GLI2: variants seen among roughly 807,000 people sequenced by gnomAD.
GLI2 encodes the protein GLI family zinc finger 2, also known as transcription activator GLI2.
GLI2 carries 22 observed loss-of-function variants against 78.9 expected under a neutral mutation model. The ratio of observed to expected loss-of-function variants is 0.28; its 90% CI spans 0.20 to 0.40. The LOEUF is 0.40. GLI2 is among the 10% of genes least tolerant of loss of function. The pLI, the probability that GLI2 is intolerant of heterozygous loss-of-function variation, is 1.00. For missense variants in GLI2, 2,097 were observed against 2,213.2 expected (o/e 0.95, Z 1.05); for synonymous variants, 974 against 963.7 (o/e 1.01, Z -0.20).
At chr2:120,904,051 C>G (rs555153840) in intron 2 of GLI2, among the ~76,000 whole-genome samples, 1 of 151,948 alleles carries the variant, frequency 6.6e-6, no homozygotes, top group Non-Finnish European at 1.5e-5. Context: ...GGAGGCTGTC[C>G]CCCTCCCCCA....
chr2:120,888,039 G>A (rs1294264293), intron 2 of GLI2, among the ~76,000 whole-genome samples: 1 of 152,218 alleles, frequency 6.6e-6, no homozygotes, highest in African/African-American at 2.4e-5. Flanking sequence ...TTCAGTTCAA[G>A]TTTGCCAAAG....
chr2:120,779,725 A>G (rs1558792100), intron 1 of GLI2, among the ~76,000 whole-genome samples: 1 of 152,246 alleles, frequency 6.6e-6, no homozygotes, highest in African/African-American at 2.4e-5. Flanking sequence ...ACCTTGCCCA[A>G]GGGCACACAG....
At chr2:120,811,495 A>C (rs1199359158) in intron 2 of GLI2, among the ~76,000 whole-genome samples, 2 of 152,194 alleles carry the variant, frequency 1.3e-5, no homozygotes, top group Non-Finnish European at 2.9e-5. Flanking sequence ...TCCTTAAAGA[A>C]TGAGAGAGCT....
rs190262830 is a variant in GLI2 at position 120,951,841 on chromosome 2, T to G, written c.457+396T>G. The G allele has an allele frequency of 2.1e-3, 348 of 168,946 alleles. 2 individuals are homozygous for G. The highest frequency in any genetic ancestry group is 7.6e-3 in the African/African-American group (320 of 42,168). The allele number at this position is 168,946 out of a possible 1,614,324, so 10.5% of individuals were successfully genotyped here. A position where few individuals can be genotyped will look rare whatever the true frequency, so the allele number is the denominator to read the frequency against. ...GGCTGGCTGCTGCCTGCGTCTCTGT[T>G]GGATCTGCCCCTTGCAGGTTAACGC... On this transcript the variant is annotated intron_variant, in intron 4 of 13. Transcript: ENST00000361492.
intron 5 of GLI2, 90 bp from the exon 6 acceptor site, chr2:120,968,624 C>T: frequency 1.0e-6 from 1 of 984,992 alleles, no homozygotes; most frequent in Non-Finnish European, 1.6e-6. Flanking sequence ...ATTAGACCAT[C>T]CTTGCAGGCT....
At position 120,988,267 on chromosome 2, in the gene GLI2, A is replaced by C. The variant is rs1408296694; in HGVS notation, c.2302A>C (p.Asn768His). ...GGGGPAGLLPNPRLSELSASE... is the reference protein window; with the variant it reads ...GGGGPAGLLPHPRLSELSASE... ...CGGCGGGCCCGCGGGGCTGCTGCCGAACCCGCGGCTGTCGGAGCTGTCCGC... is the reference window on the plus strand; with the variant it reads ...CGGCGGGCCCGCGGGGCTGCTGCCGCACCCGCGGCTGTCGGAGCTGTCCGC... Residue 768 changes from asparagine to histidine, a missense_variant, in exon 14 of 14, where the codon AAC becomes CAC. Physicochemically the swap from Asn to His is moderately conservative, Grantham distance 68 (BLOSUM62 1). This residue lies in a region of GLI2 where 1,290 missense variants were observed against 1,261.7 expected (regional missense o/e 1.02). Transcript: ENST00000361492. The C allele has an allele frequency of 6.4e-7, 1 of 1,570,412 alleles. No homozygotes were observed. Among genetic ancestry groups the C allele is most frequent in the South Asian group, 1.2e-5 (1 of 86,740 alleles).
chr2:120,771,873 A>G (rs982038748), intron 1 of GLI2, among the ~76,000 whole-genome samples: 5 of 152,176 alleles, frequency 3.3e-5, no homozygotes, highest in African/African-American at 9.7e-5. Flanking sequence ...TCCATGGCCA[A>G]CGCCCACGGT....
At chr2:120,832,899 G>A (rs1393011266) in intron 2 of GLI2, among the ~76,000 whole-genome samples, 1 of 152,136 alleles carries the variant, frequency 6.6e-6, no homozygotes, top group Non-Finnish European at 1.5e-5. Context: ...TTTCCTCTCT[G>A]AGACCCTTCC....
At chr2:120,741,288 C>T (rs1418593396) in intron 1 of GLI2, among the ~76,000 whole-genome samples, 1 of 152,112 alleles carries the variant, frequency 6.6e-6, no homozygotes, top group Admixed American at 6.5e-5. Flanking sequence ...TCTTGCTCTT[C>T]CCAGAGGTTT....
chr2:120,774,269 C>T lies in GLI2; in HGVS notation c.-30-23022C>T, dbSNP rs571006282. Among the ~76,000 whole-genome samples the T allele has an allele frequency of 2.6e-5, 4 of 152,280 alleles. No individual in the cohort carries two copies. The South Asian group carries it at 8.3e-4, about 32-fold the overall frequency. ...ATTTGAGGTAAAGACTGCATCCCCT[C>T]CCTGCTGTTTTTGTAAATAACTGCT... On this transcript the variant is annotated intron_variant, in intron 1 of 13. Transcript: ENST00000361492.
chr2:120,784,023 C>T (rs762995544), intron 1 of GLI2, among the ~76,000 whole-genome samples: 2 of 152,196 alleles, frequency 1.3e-5, no homozygotes, highest in African/African-American at 2.4e-5. Flanking sequence ...GTCAGTTAAA[C>T]ATCCCGTTAC....
intron 4 of GLI2, among the ~76,000 whole-genome samples, chr2:120,954,401 G>A (rs998975992): frequency 1.3e-5 from 2 of 152,228 alleles, no homozygotes; most frequent in Admixed American, 1.3e-4. Flanking sequence ...AGATGCAGCA[G>A]GAGATGGCAA....
At chr2:120,810,351 A>G (rs964275) in intron 2 of GLI2, among the ~76,000 whole-genome samples, 54,529 of 152,174 alleles carry the variant, frequency 0.36, 10,043 homozygotes, top group East Asian at 0.53. Context: ...CAGACAGACT[A>G]TAGCCCTCGG....
At chr2:120,889,360 G>A (rs533958546) in intron 2 of GLI2, among the ~76,000 whole-genome samples, 2 of 152,356 alleles carry the variant, frequency 1.3e-5, no homozygotes, top group South Asian at 4.1e-4. Flanking sequence ...ATGCTTTCCA[G>A]TTCAGACAGT....
intron 2 of GLI2, among the ~76,000 whole-genome samples, chr2:120,875,098 A>G (rs1252310788): frequency 1.3e-5 from 2 of 152,190 alleles, no homozygotes; most frequent in Admixed American, 6.5e-5. Context: ...TGCTGGGTAA[A>G]TGGCATCAGG....
chr2:120,921,635 G>A (rs563643420), intron 2 of GLI2, among the ~76,000 whole-genome samples: 5 of 152,300 alleles, frequency 3.3e-5, no homozygotes, highest in East Asian at 3.9e-4. Flanking sequence ...GCCACCTAGC[G>A]GCAGGGCCAG....
At chr2:120,771,142 G>A (rs1683508712) in intron 1 of GLI2, among the ~76,000 whole-genome samples, 1 of 152,220 alleles carries the variant, frequency 6.6e-6, no homozygotes, top group South Asian at 2.1e-4. Context: ...CTGTGTCCTG[G>A]CTTTGCAGGA....
At chr2:120,860,336 T>A (rs1687848102) in intron 2 of GLI2, among the ~76,000 whole-genome samples, 1 of 152,164 alleles carries the variant, frequency 6.6e-6, no homozygotes, top group Non-Finnish European at 1.5e-5. Flanking sequence ...CCTCATCCTA[T>A]CACCTACCCT....
At chr2:120,755,893 G>A (rs1683022235) in intron 1 of GLI2, among the ~76,000 whole-genome samples, 1 of 152,122 alleles carries the variant, frequency 6.6e-6, no homozygotes, top group Admixed American at 6.5e-5. Context: ...CCATATATGT[G>A]TGGGCCTATT....
Sources: gnomAD v4.1 joint callset for allele counts (sites outside exome capture counted in the v4.1 genomes callset) on GRCh38, gnomAD v4.1.1 for gene constraint, gnomAD v4.1.1 regional missense constraint, MANE v1.5 for transcripts, NCBI Gene and HGNC (gene_info 2026-07-23, HGNC 2026-07-21) for gene names.